Variants in THSD7B observed in about 807,000 individuals in gnomAD.
THSD7B encodes thrombospondin type 1 domain containing 7B, also known as thrombospondin type-1 domain-containing protein 7B.
In THSD7B, 138 loss-of-function variants were observed where a neutral mutation model predicts 213.6. The ratio of observed to expected loss-of-function variants is 0.65; its 90% CI spans 0.56 to 0.74. The LOEUF (loss-of-function observed/expected upper bound fraction) is 0.74, where lower values mean the gene tolerates loss of function less well. THSD7B is among the 30% of genes least tolerant of loss of function. THSD7B has a pLI of 0.00. For missense variants in THSD7B, 1,931 were observed against 1,991.5 expected, an observed-to-expected ratio of 0.97 and a Z score of 0.58; for synonymous variants, 742 against 687.0, an observed-to-expected ratio of 1.08 and a Z score of -1.25.
At chr2:136,891,911 G>A (rs542360874) in intron 2 of THSD7B, among the ~76,000 whole-genome samples, 126 of 152,290 alleles carry the variant, frequency 8.3e-4, no homozygotes, top group Middle Eastern at 3.4e-3. Flanking sequence ...TCGTTCTCTT[G>A]TGCCATTGTA....
intron 15 of THSD7B, among the ~76,000 whole-genome samples, chr2:137,548,609 C>A (rs569249279): frequency 1.8e-4 from 27 of 152,008 alleles, no homozygotes; most frequent in Non-Finnish European, 4.0e-4. Context: ...CATTTTCATA[C>A]CCCAGCTAGC....
At chr2:137,432,992 T>A (rs1687217459) in intron 14 of THSD7B, among the ~76,000 whole-genome samples, 1 of 152,222 alleles carries the variant, frequency 6.6e-6, no homozygotes, top group Admixed American at 6.5e-5. Context: ...TAGGACATAT[T>A]TATTTAATAC....
At chr2:136,886,714 G>T (rs990007304) in intron 2 of THSD7B, among the ~76,000 whole-genome samples, 1 of 152,204 alleles carries the variant, frequency 6.6e-6, no homozygotes, top group Admixed American at 6.5e-5. Flanking sequence ...ATTTATTGAT[G>T]TGGGATGGGT....
chr2:137,086,463 CCTT>C (rs1486730551), intron 3 of THSD7B, among the ~76,000 whole-genome samples: 2 of 152,176 alleles, frequency 1.3e-5, no homozygotes, highest in African/African-American at 4.8e-5. Flanking sequence ...GCTTCTGTCT[CCTT>C]CTCTGACTTT....
intron 7 of THSD7B, among the ~76,000 whole-genome samples, chr2:137,219,830 T>C (rs548243419): frequency 3.9e-5 from 6 of 152,294 alleles, no homozygotes; most frequent in African/African-American, 1.2e-4. Context: ...TGGTGCATTA[T>C]ACTAAATGGA....
intron 2 of THSD7B, among the ~76,000 whole-genome samples, chr2:137,008,511 T>C (rs1686159574): frequency 6.6e-6 from 1 of 152,170 alleles, no homozygotes; most frequent in African/African-American, 2.4e-5. Flanking sequence ...AAGTGGTTGG[T>C]ATAGTACTTT....
intron 12 of THSD7B, among the ~76,000 whole-genome samples, chr2:137,393,160 A>ATT (rs577043200): frequency 2.8e-5 from 4 of 141,442 alleles, no homozygotes; most frequent in Admixed American, 7.1e-5. Flanking sequence ...TTTTTTTTTA[A>ATT]TTTTTTTTTT....
rs1685539062 is a variant in THSD7B at position 137,371,762 on chromosome 2, T to A, written c.2501-33851T>A. Among the ~76,000 whole-genome samples the A allele has an allele frequency of 2.6e-5, 4 of 152,170 alleles. 1 individual carries two copies. The South Asian group carries it at 8.3e-4, about 31-fold the overall frequency. On this transcript the variant is annotated intron_variant, in intron 12 of 27. Transcript: ENST00000409968. Reference sequence around the variant, plus strand: ...TTAATCTTACATTCTATTGAATTGTTTTTTTAATTTTTATTTTGCTTTGAT... The same window carrying A: ...TTAATCTTACATTCTATTGAATTGTATTTTTAATTTTTATTTTGCTTTGAT...
chr2:137,406,534 T>C (rs1351623315), intron 13 of THSD7B, among the ~76,000 whole-genome samples: 1 of 152,180 alleles, frequency 6.6e-6, no homozygotes, highest in African/African-American at 2.4e-5. Context: ...GAGTAATCAC[T>C]GAGATAATGA....
intron 2 of THSD7B, among the ~76,000 whole-genome samples, chr2:136,900,908 T>C (rs1457992830): frequency 6.6e-6 from 1 of 152,210 alleles, no homozygotes; most frequent in Non-Finnish European, 1.5e-5. Context: ...GTATATGTTT[T>C]TAGATAAACA....
At chr2:136,816,265 C>G (rs1178094259) in intron 1 of THSD7B, among the ~76,000 whole-genome samples, 1 of 152,126 alleles carries the variant, frequency 6.6e-6, no homozygotes, top group Non-Finnish European at 1.5e-5. Context: ...ATTCAGTCAG[C>G]TATTACGTAA....
intron 12 of THSD7B, among the ~76,000 whole-genome samples, chr2:137,313,105 G>T (rs945784855): frequency 1.1e-4 from 17 of 151,822 alleles, no homozygotes; most frequent in Non-Finnish European, 2.1e-4. Context: ...TTGACAGTGG[G>T]GTGTTAAAGT....
At chr2:137,472,501 A>G (rs1348857001) in intron 15 of THSD7B, among the ~76,000 whole-genome samples, 2 of 152,226 alleles carry the variant, frequency 1.3e-5, no homozygotes, top group African/African-American at 4.8e-5. Flanking sequence ...AAAAAAATTA[A>G]GTGGCATTGA....
intron 4 of THSD7B, among the ~76,000 whole-genome samples, chr2:137,109,194 C>T (rs1301859492): frequency 1.3e-5 from 2 of 152,132 alleles, no homozygotes; most frequent in East Asian, 1.9e-4. Context: ...GCTCCCACAG[C>T]CTATTACTTC....
chr2:137,158,084 G>T (rs1679944276), intron 5 of THSD7B, among the ~76,000 whole-genome samples: 1 of 152,106 alleles, frequency 6.6e-6, no homozygotes, highest in African/African-American at 2.4e-5. Flanking sequence ...TACCCTTTTA[G>T]ACTGAGAGCT....
intron 12 of THSD7B, among the ~76,000 whole-genome samples, chr2:137,284,307 C>T (rs1267265214): frequency 3.3e-5 from 5 of 151,790 alleles, no homozygotes; most frequent in East Asian, 1.9e-4. Flanking sequence ...TCTATTAGTC[C>T]TGCTAGTGAT....
At chr2:137,122,227 G>A (rs931485560) in intron 5 of THSD7B, among the ~76,000 whole-genome samples, 1 of 152,154 alleles carries the variant, frequency 6.6e-6, no homozygotes, top group Admixed American at 6.5e-5. Context: ...ATTTCTATCA[G>A]TGTTACTTTT....
intron 2 of THSD7B, among the ~76,000 whole-genome samples, chr2:136,988,227 A>G (rs1354469189): frequency 1.3e-5 from 2 of 152,154 alleles, no homozygotes; most frequent in Non-Finnish European, 2.9e-5. Context: ...CTATTTTAAG[A>G]AAAGCAAGTG....
intron 1 of THSD7B, among the ~76,000 whole-genome samples, chr2:136,812,455 A>G (rs1682391349): frequency 6.6e-6 from 1 of 152,228 alleles, no homozygotes; most frequent in African/African-American, 2.4e-5. Flanking sequence ...AGCTTACATG[A>G]TTCTGATAAG....
Sources: allele counts gnomAD v4.1 joint callset (sites outside exome capture counted in the v4.1 genomes callset), GRCh38; gene constraint gnomAD v4.1.1; transcripts MANE v1.5; gene names NCBI Gene and HGNC (gene_info 2026-07-23, HGNC 2026-07-21).